LRRIQ1: variants seen among roughly 807,000 people sequenced by gnomAD.
The protein encoded by LRRIQ1 is leucine-rich repeat- and IQ domain-containing protein 1.
Under a neutral mutation model 211.9 loss-of-function variants are expected in LRRIQ1, and 210 were observed. That is an observed-to-expected ratio of 0.99 (90% confidence interval 0.89 to 1.11). LRRIQ1 has a LOEUF of 1.11. Among genes scored for constraint, LRRIQ1 ranks in the 50% most tolerant of loss-of-function variants. The probability of loss-of-function intolerance (pLI) is 0.00; values close to 1 mark genes in which losing one functional copy is unlikely to be tolerated. For synonymous variants in LRRIQ1, 699 were observed against 650.1 expected, an observed-to-expected ratio of 1.08 and a Z score of -1.14; for missense variants, 2,136 against 1,939.5, an observed-to-expected ratio of 1.10 and a Z score of -1.90.
Position 85,055,950 on chromosome 12 carries a change from TAAGAG to T in LRRIQ1, c.1162_1166del (p.Glu388CysfsTer9). ...CTAATAAGCAAGGAAAAAATAATAT[TAAGAG>T]AAGATGCAAGCCAACAGCTAATAAT... On this transcript the variant is annotated frameshift_variant, in exon 8 of 27. Coordinates refer to ENST00000393217, the MANE Select transcript of LRRIQ1 (RefSeq NM_001079910.2). LOFTEE classifies it high-confidence loss of function. The T allele has an allele frequency of 1.9e-6, 3 of 1,607,542 alleles. No homozygotes were observed. Among genetic ancestry groups the T allele is most frequent in the South Asian group, 1.1e-5 (1 of 89,512 alleles).
chr12:85,147,688 TC>T (rs1889977207), intron 19 of LRRIQ1, among the ~76,000 whole-genome samples: 1 of 149,372 alleles, frequency 6.7e-6, no homozygotes, highest in South Asian at 2.1e-4. Context: ...AGATGAGTAT[TC>T]CCTGAGATAG....
At chr12:85,082,780 C>G (rs1235827625) in intron 11 of LRRIQ1, among the ~76,000 whole-genome samples, 1 of 152,016 alleles carries the variant, frequency 6.6e-6, no homozygotes, top group African/African-American at 2.4e-5. Flanking sequence ...TATTTCATGC[C>G]TTTTATTGTT....
chr12:85,066,737 C>T lies in LRRIQ1; in HGVS notation c.2545-11C>T, dbSNP rs778105225. 6.3e-7 allele frequency: 1 copy of T among 1,576,252 alleles called. No individual in the cohort carries two copies. Among genetic ancestry groups the T allele is most frequent in the Non-Finnish European group, 8.6e-7 (1 of 1,165,090 alleles). ...TGAAATAAAACTAATTACATTTGTT[C>T]TTTGCTTCAGGAAAACCATATTGAG... On this transcript the variant is annotated splice_polypyrimidine_tract_variant and intron_variant, in intron 9 of 26. Transcript: ENST00000393217.
At chr12:85,202,191 G>C (rs1417267544) in intron 24 of LRRIQ1, among the ~76,000 whole-genome samples, 4 of 152,048 alleles carry the variant, frequency 2.6e-5, no homozygotes, top group African/African-American at 9.7e-5. Context: ...ATTTGCTGAG[G>C]ATTTTTTTTA....
intron 24 of LRRIQ1, among the ~76,000 whole-genome samples, chr12:85,191,487 T>A (rs1277081726): frequency 6.6e-6 from 1 of 152,026 alleles, no homozygotes; most frequent in Admixed American, 6.6e-5. Flanking sequence ...TGTCTGGTCA[T>A]AACTTGATAG....
At chr12:85,085,394 T>C (rs1455594056) in intron 11 of LRRIQ1, among the ~76,000 whole-genome samples, 1 of 152,176 alleles carries the variant, frequency 6.6e-6, no homozygotes, top group African/African-American at 2.4e-5. Flanking sequence ...CTTGGGTCTC[T>C]CCCTCAGCAC....
intron 11 of LRRIQ1, among the ~76,000 whole-genome samples, chr12:85,089,251 ATTTC>A (rs1394427944): frequency 6.6e-6 from 1 of 152,124 alleles, no homozygotes; most frequent in Non-Finnish European, 1.5e-5. Context: ...TTTCTCAGTT[ATTTC>A]TTTATAGCAG....
At chr12:85,180,886 A>T (rs990645179) in intron 24 of LRRIQ1, among the ~76,000 whole-genome samples, 8 of 151,650 alleles carry the variant, frequency 5.3e-5, no homozygotes, top group African/African-American at 1.5e-4. Flanking sequence ...GAAATTTATT[A>T]TTCTGCATAG....
At chr12:85,085,672 A>G (rs1477303044) in intron 11 of LRRIQ1, among the ~76,000 whole-genome samples, 1 of 152,122 alleles carries the variant, frequency 6.6e-6, no homozygotes, top group Non-Finnish European at 1.5e-5. Context: ...TCCCACTTAT[A>G]GTTGAGAAGA....
intron 8 of LRRIQ1, among the ~76,000 whole-genome samples, chr12:85,058,653 G>C (rs919728971): frequency 6.6e-6 from 1 of 151,816 alleles, no homozygotes; most frequent in Non-Finnish European, 1.5e-5. Flanking sequence ...TCCTTCTTTC[G>C]AACGTTTGTC....
intron 11 of LRRIQ1, among the ~76,000 whole-genome samples, chr12:85,075,294 T>TA (rs1383861405): frequency 6.6e-6 from 1 of 151,986 alleles, no homozygotes; most frequent in East Asian, 1.9e-4. Context: ...AATTTTTTTT[T>TA]ATTAGCTAGG....
At chr12:85,195,007 A>C (rs996706766) in intron 24 of LRRIQ1, among the ~76,000 whole-genome samples, 1 of 152,226 alleles carries the variant, frequency 6.6e-6, no homozygotes, top group Non-Finnish European at 1.5e-5. Flanking sequence ...CACCGATCCC[A>C]CAGAAATACA....
At chr12:85,176,532 A>G (rs916360993) in intron 24 of LRRIQ1, among the ~76,000 whole-genome samples, 54 of 143,844 alleles carry the variant, frequency 3.8e-4, no homozygotes, top group Non-Finnish European at 6.6e-4. Flanking sequence ...CATAGGTGGG[A>G]ATTGAACAAT....
At chr12:85,047,963 T>C in intron 6 of LRRIQ1, 1 of 154,974 alleles carries the variant, frequency 6.5e-6, no homozygotes, top group Non-Finnish European at 1.4e-5. Flanking sequence ...ACTGTTTTCA[T>C]TTCTGTCGTA....
intron 19 of LRRIQ1, among the ~76,000 whole-genome samples, chr12:85,146,223 T>C (rs1321379744): frequency 6.6e-6 from 1 of 151,774 alleles, no homozygotes; most frequent in South Asian, 2.1e-4. Flanking sequence ...CTGAATGCTT[T>C]CTAGGGCTAT....
intron 26 of LRRIQ1, among the ~76,000 whole-genome samples, chr12:85,239,628 T>C (rs1029705021): frequency 6.6e-6 from 1 of 151,872 alleles, no homozygotes; most frequent in African/African-American, 2.4e-5. Flanking sequence ...TCTCATCTTA[T>C]GAAAAATGAA....
the LRRIQ1 span, among the ~76,000 whole-genome samples, chr12:85,272,157 G>A: frequency 6.6e-6 from 1 of 152,098 alleles, no homozygotes; most frequent in Non-Finnish European, 1.5e-5. Flanking sequence ...AAATGAAACA[G>A]TACATATAGA....
chr12:85,100,607 A>T (rs1886279242), intron 13 of LRRIQ1, among the ~76,000 whole-genome samples: 1 of 151,722 alleles, frequency 6.6e-6, no homozygotes, highest in Non-Finnish European at 1.5e-5. Context: ...AAAAAGTAAA[A>T]TTATTGTATA....
chr12:85,192,465 T>C (rs1318912082), intron 24 of LRRIQ1, among the ~76,000 whole-genome samples: 1 of 121,942 alleles, frequency 8.2e-6, no homozygotes, highest in East Asian at 2.2e-4. Flanking sequence ...TATAATATAA[T>C]TATATATAAA....
Sources: gnomAD v4.1 joint callset for allele counts (sites outside exome capture counted in the v4.1 genomes callset) on GRCh38, gnomAD v4.1.1 for gene constraint, MANE v1.5 for transcripts, NCBI Gene and HGNC (gene_info 2026-07-23, HGNC 2026-07-21) for gene names.